LRCH1: variants seen among roughly 807,000 people sequenced by gnomAD.
LRCH1 encodes leucine rich repeats and calponin homology domain containing 1.
In LRCH1, 23 loss-of-function variants were observed where a neutral mutation model predicts 94.9. That is an observed-to-expected ratio of 0.24 (90% CI 0.17 to 0.34). LRCH1 has a LOEUF of 0.34. LRCH1 is among the 10% of genes least tolerant of loss of function. The pLI, the probability that LRCH1 is intolerant of heterozygous loss-of-function variation, is 1.00. For missense variants in LRCH1, 790 were observed against 945.9 expected (o/e 0.84, Z 2.16); for synonymous variants, 364 against 354.9 (o/e 1.03, Z -0.29).
At chr13:46,619,272 G>A (rs2050852274) in intron 1 of LRCH1, among the ~76,000 whole-genome samples, 1 of 151,968 alleles carries the variant, frequency 6.6e-6, no homozygotes, top group African/African-American at 2.4e-5. Context: ...CACTACGCCT[G>A]GCTAATTTTT....
chr13:46,582,286 T>C (rs1212632453), intron 1 of LRCH1, among the ~76,000 whole-genome samples: 1 of 150,736 alleles, frequency 6.6e-6, no homozygotes, highest in Non-Finnish European at 1.5e-5. Context: ...AAATATATTT[T>C]TAAAAATCTG....
Position 46,685,959 on chromosome 13 carries a change from T to C in LRCH1, c.740T>C (p.Val247Ala). ...GACTTTTCCTGCAACAAAGTGCTCGTGATTCCAATTTGTTTTAGAGAGATG... is the reference window on the plus strand; with the variant it reads ...GACTTTTCCTGCAACAAAGTGCTCGCGATTCCAATTTGTTTTAGAGAGATG... The part of the protein sequence containing the change: ...KFDFSCNKVL[V>A]IPICFREMKQ... The change falls in exon 5 of 20, where the codon GTG becomes GCG. Residue 247 changes from valine (V) to alanine (A), a missense_variant. This residue lies in a region of LRCH1 where 194 missense variants were observed against 293.5 expected (regional missense o/e 0.66). Coordinates refer to ENST00000389797, the MANE Select transcript of LRCH1 (RefSeq NM_001164211.2). The C allele has an allele frequency of 6.2e-7, 1 of 1,611,510 alleles. No individual in the cohort carries two copies. The highest frequency in any genetic ancestry group is 1.1e-5 in the South Asian group (1 of 90,162).
Position 46,553,370 on chromosome 13 carries a change from G to A in LRCH1, c.-27G>A. ...CTGTGACCCCCCCGCAGGAGCGGCG[G>A]GGCGGGGTGGGGGGGCCCGGGAGAA... is the stretch of plus-strand genomic sequence containing the variant. On this transcript the variant is annotated 5_prime_UTR_variant, in exon 1 of 20. Coordinates refer to ENST00000389797, the MANE Select transcript of LRCH1 (RefSeq NM_001164211.2). The A allele has an allele frequency of 2.7e-6, 4 of 1,509,146 alleles. No individual in the cohort carries two copies. The highest frequency in any genetic ancestry group is 3.5e-6 in the Non-Finnish European group (4 of 1,131,362). 93.5% of individuals were successfully genotyped at this position (1,509,146 alleles called of 1,614,324 possible). A position where few individuals can be genotyped will look rare whatever the true frequency, so the allele number is the denominator to read the frequency against.
intron 18 of LRCH1, 143 bp downstream of exon 18, chr13:46,729,127 A>C: frequency 4.6e-6 from 3 of 651,348 alleles, no homozygotes; most frequent in Non-Finnish European, 7.0e-6. Flanking sequence ...GCAGAAAAGG[A>C]ATGAAAGAAT....
At chr13:46,642,710 C>T (rs552184526) in intron 1 of LRCH1, among the ~76,000 whole-genome samples, 3 of 152,302 alleles carry the variant, frequency 2.0e-5, no homozygotes, top group South Asian at 2.1e-4. Context: ...GTATCCAAAT[C>T]GGACCCTTTC....
rs1873803517 is a variant in LRCH1 at position 46,744,127 on chromosome 13, C to G, written c.*2279C>G. The G allele has an allele frequency of 1.0e-6, 1 of 985,338 alleles. No homozygotes were observed. Among genetic ancestry groups the G allele is most frequent in the Non-Finnish European group, 1.2e-6 (1 of 829,910 alleles). The allele number at this position is 985,338 out of a possible 1,614,324, so 61.0% of individuals were successfully genotyped here. On this transcript the variant is annotated 3_prime_UTR_variant, in exon 20 of 20. Transcript: ENST00000389797. ...TATTAAGCTTCTCTGTGGTTTTTCTCCAAGGTACCCGTGCACCAGCCCATA... is the reference window on the plus strand; with the variant it reads ...TATTAAGCTTCTCTGTGGTTTTTCTGCAAGGTACCCGTGCACCAGCCCATA...
intron 1 of LRCH1, among the ~76,000 whole-genome samples, chr13:46,637,842 C>G (rs538453357): frequency 2.6e-5 from 4 of 152,330 alleles, no homozygotes; most frequent in Non-Finnish European, 5.9e-5. Context: ...TCCTTGCCAG[C>G]GTTCGCTGGA....
chr13:46,693,750 TAA>T (rs1056836364), intron 8 of LRCH1, among the ~76,000 whole-genome samples: 9 of 152,336 alleles, frequency 5.9e-5, no homozygotes, highest in African/African-American at 1.7e-4. Flanking sequence ...TGGGTAACAT[TAA>T]GGCGATTTTT....
At chr13:46,630,771 T>C (rs946187592) in intron 1 of LRCH1, among the ~76,000 whole-genome samples, 7 of 152,208 alleles carry the variant, frequency 4.6e-5, no homozygotes. Context: ...TCCAGAACAA[T>C]GGTGAGAAAA....
chr13:46,752,262 C>G (rs1222911371), exon 19 of LRCH1: 1 of 152,268 alleles, frequency 6.6e-6, no homozygotes, highest in Non-Finnish European at 1.5e-5. Context: ...ACTGCACTTT[C>G]ACCTCCTCGA....
At chr13:46,738,543 A>G (rs752081605) in intron 19 of LRCH1, among the ~76,000 whole-genome samples, 20 of 152,180 alleles carry the variant, frequency 1.3e-4, no homozygotes, top group Admixed American at 9.8e-4. Flanking sequence ...CTATAAATTG[A>G]AGCTACTGTT....
At chr13:46,609,534 G>C (rs925961159) in intron 1 of LRCH1, among the ~76,000 whole-genome samples, 2 of 152,148 alleles carry the variant, frequency 1.3e-5, no homozygotes, top group Admixed American at 1.3e-4. Flanking sequence ...TTATTTAAAG[G>C]AAGGTCTCAT....
intron 1 of LRCH1, among the ~76,000 whole-genome samples, chr13:46,600,901 G>A (rs2050620992): frequency 6.6e-6 from 1 of 152,190 alleles, no homozygotes; most frequent in African/African-American, 2.4e-5. Context: ...GCGCTTTAAA[G>A]CAATTTGATT....
chr13:46,569,916 C>A (rs1370232591), intron 1 of LRCH1, among the ~76,000 whole-genome samples: 2 of 152,190 alleles, frequency 1.3e-5, no homozygotes, highest in African/African-American at 4.8e-5. Flanking sequence ...CCTGCCTCTT[C>A]TAGGATGCCC....
At chr13:46,697,236 AG>A (rs1188607345) in intron 9 of LRCH1, among the ~76,000 whole-genome samples, 4 of 152,208 alleles carry the variant, frequency 2.6e-5, no homozygotes, top group Admixed American at 6.5e-5. Flanking sequence ...GGGGAAATAG[AG>A]GGCTGGGTTC....
At chr13:46,620,612 A>G (rs1337854218) in intron 1 of LRCH1, among the ~76,000 whole-genome samples, 2 of 152,172 alleles carry the variant, frequency 1.3e-5, no homozygotes, top group Non-Finnish European at 2.9e-5. Flanking sequence ...TGCAGTGGTG[A>G]AGGGCCCTGG....
At chr13:46,701,081 A>G (rs1871443726) in intron 10 of LRCH1, 40 bp from the exon 11 acceptor site, 3 of 1,237,700 alleles carry the variant, frequency 2.4e-6, no homozygotes, top group South Asian at 2.5e-5. Flanking sequence ...TTCATGTTGT[A>G]TTGATCGTTT....
At chr13:46,659,071 C>A (rs2051412125) in intron 2 of LRCH1, among the ~76,000 whole-genome samples, 2 of 152,120 alleles carry the variant, frequency 1.3e-5, no homozygotes, top group Non-Finnish European at 2.9e-5. Context: ...GCAGAGATAA[C>A]CTGGAAAGGT....
intron 1 of LRCH1, among the ~76,000 whole-genome samples, chr13:46,640,566 A>C (rs538323159): frequency 6.6e-6 from 1 of 152,258 alleles, no homozygotes; most frequent in East Asian, 1.9e-4. Context: ...GTTCTGGAGA[A>C]AATATTAGGG....
Sources: gnomAD v4.1 joint callset for allele counts (sites outside exome capture counted in the v4.1 genomes callset) on GRCh38, gnomAD v4.1.1 for gene constraint, gnomAD v4.1.1 regional missense constraint, MANE v1.5 for transcripts, NCBI Gene and HGNC (gene_info 2026-07-23, HGNC 2026-07-21) for gene names.